The following MSRB3 variants were observed in gnomAD, a reference collection of about 807,000 sequenced individuals.
MSRB3 encodes the protein methionine sulfoxide reductase B3.
A neutral mutation model predicts 21.0 loss-of-function variants in MSRB3; 13 were observed. The ratio of observed to expected loss-of-function variants is 0.62; its 90% CI spans 0.40 to 0.98. MSRB3 has a LOEUF of 0.98. Among genes scored for constraint, MSRB3 ranks in the 50% least tolerant of loss-of-function variants. The pLI is 0.00. For missense variants in MSRB3, 199 were observed against 230.3 expected (o/e 0.86, Z 0.88); for synonymous variants, 87 against 88.6 (o/e 0.98, Z 0.10).
At chr12:65,378,573 T>C (rs751037004) in intron 5 of MSRB3, among the ~76,000 whole-genome samples, 5 of 152,190 alleles carry the variant, frequency 3.3e-5, no homozygotes, top group African/African-American at 1.2e-4. Flanking sequence ...TACAGGTTTG[T>C]ATATGGTTGC....
At chr12:65,372,138 A>G (rs1592574807) in intron 5 of MSRB3, among the ~76,000 whole-genome samples, 1 of 152,162 alleles carries the variant, frequency 6.6e-6, no homozygotes, top group Non-Finnish European at 1.5e-5. Context: ...GTTTTCATCT[A>G]TTTTAGAAAT....
chr12:65,430,131 T>C (rs186963288), intron 5 of MSRB3, among the ~76,000 whole-genome samples: 1 of 152,294 alleles, frequency 6.6e-6, no homozygotes, highest in Admixed American at 6.5e-5. Flanking sequence ...GTTTGAAGAA[T>C]CTAAAAGGCT....
At chr12:65,314,278 A>G (rs1874160762) in intron 2 of MSRB3, among the ~76,000 whole-genome samples, 1 of 152,148 alleles carries the variant, frequency 6.6e-6, no homozygotes, top group African/African-American at 2.4e-5. Flanking sequence ...GAATTAAAGA[A>G]AATTTCACAT....
chr12:65,312,745 A>G (rs1402062402), intron 2 of MSRB3, among the ~76,000 whole-genome samples: 1 of 152,116 alleles, frequency 6.6e-6, no homozygotes, highest in Non-Finnish European at 1.5e-5. Flanking sequence ...CTGTATAACT[A>G]GAACTCCATG....
chr12:65,439,453 TA>T (rs1345450969), intron 5 of MSRB3, among the ~76,000 whole-genome samples: 1 of 151,568 alleles, frequency 6.6e-6, no homozygotes, highest in Non-Finnish European at 1.5e-5. Context: ...ATCTTTCAAA[TA>T]AAAAACATCT....
At chr12:65,280,668 A>T (rs1871962043) in intron 1 of MSRB3, among the ~76,000 whole-genome samples, 2 of 152,092 alleles carry the variant, frequency 1.3e-5, no homozygotes, top group African/African-American at 4.8e-5. Flanking sequence ...TATTAAGATA[A>T]GTAGCTCTTT....
chr12:65,421,840 A>G (rs1032132180), intron 5 of MSRB3, among the ~76,000 whole-genome samples: 4 of 152,232 alleles, frequency 2.6e-5, no homozygotes, highest in African/African-American at 9.6e-5. Context: ...CATAATAAGC[A>G]GTTAACAACA....
chr12:65,363,596 T>G, intron 4 of MSRB3, among the ~76,000 whole-genome samples: 1 of 152,154 alleles, frequency 6.6e-6, no homozygotes, highest in Non-Finnish European at 1.5e-5. Context: ...AAGTTTTTAT[T>G]TAAATCTTGT....
chr12:65,283,198 C>G (rs1224100268), intron 1 of MSRB3, among the ~76,000 whole-genome samples: 1 of 152,154 alleles, frequency 6.6e-6, no homozygotes, highest in African/African-American at 2.4e-5. Context: ...TAGGCTGTTC[C>G]TACTGCCTGG....
At chr12:65,365,190 A>C (rs1456667218) in intron 4 of MSRB3, among the ~76,000 whole-genome samples, 4 of 151,904 alleles carry the variant, frequency 2.6e-5, no homozygotes, top group African/African-American at 9.7e-5. Context: ...TTTATACTAC[A>C]CCTTTTTAAT....
intron 5 of MSRB3, among the ~76,000 whole-genome samples, chr12:65,401,573 T>A (rs1341004768): frequency 1.3e-5 from 2 of 152,190 alleles, no homozygotes; most frequent in Admixed American, 6.5e-5. Context: ...AATTTGCTAG[T>A]CTGTGTCTTT....
At chr12:65,451,356 T>A (rs1391510865) in intron 5 of MSRB3, among the ~76,000 whole-genome samples, 2 of 152,168 alleles carry the variant, frequency 1.3e-5, no homozygotes, top group African/African-American at 4.8e-5. Context: ...CCAGAAACAC[T>A]GAAATCTTTT....
chr12:65,408,425 G>A (rs1880535313), intron 5 of MSRB3, among the ~76,000 whole-genome samples: 1 of 152,112 alleles, frequency 6.6e-6, no homozygotes, highest in Middle Eastern at 3.2e-3. Context: ...TTGATATACT[G>A]GATAAAAGGA....
chr12:65,308,285 C>T (rs1056234841), intron 1 of MSRB3, among the ~76,000 whole-genome samples: 1 of 152,180 alleles, frequency 6.6e-6, no homozygotes, highest in Non-Finnish European at 1.5e-5. Context: ...CTTTTCTCAA[C>T]CTCTTGTAAA....
At chr12:65,368,926 C>G (rs923942441) in intron 4 of MSRB3, 72 bp from the exon 5 acceptor site, 7 of 474,070 alleles carry the variant, frequency 1.5e-5, no homozygotes, top group Admixed American at 8.7e-5. Flanking sequence ...CAACCACACC[C>G]CCCCCCCCCA....
rs1871822354 is a variant in MSRB3 at position 65,278,867 on chromosome 12, T to TACCG, written c.-52+3_-52+4insCCGA. On this transcript the variant is annotated splice_region_variant and intron_variant, in intron 1 of 6. Coordinates refer to ENST00000308259, the MANE Select transcript of MSRB3 (RefSeq NM_001031679.3). ...CGGCTCTGGGAAGTGCGCAGTCCGG[T>TACCG]AAGTTCGGGCTCCCCTCCCCTCTCC... 1 of 1,555,718 alleles carries TACCG rather than the reference T, an allele frequency of 6.4e-7. No individual in the cohort carries two copies. Among genetic ancestry groups the TACCG allele is most frequent in the African/African-American group, 1.4e-5 (1 of 73,176 alleles).
At position 65,328,792 on chromosome 12, in the gene MSRB3, AT is replaced by A. The variant is rs1189426424; in HGVS notation, c.263+193del. Reference sequence around the variant, plus strand: ...AATTACCAGTGTGACAGACTGGCTGATTTTGCACTACTTGGATCTTTAAAAT... The same window carrying A: ...AATTACCAGTGTGACAGACTGGCTGATTTGCACTACTTGGATCTTTAAAAT... On this transcript the variant is annotated intron_variant, in intron 4 of 6. Transcript: ENST00000308259. Among the ~76,000 whole-genome samples the A allele has an allele frequency of 2.6e-5, 4 of 152,188 alleles. No individual in the cohort carries two copies. The South Asian group carries it at 8.3e-4, about 32-fold the overall frequency.
rs576049128 is a variant in MSRB3, at chr12:65,367,854, G to A, written c.264-1144G>A. 6.6e-5 allele frequency among the ~76,000 whole-genome samples: 10 copies of A among 152,050 alleles called. No individual in the cohort carries two copies. The South Asian group carries it at 1.2e-3, about 19-fold the overall frequency. Reference sequence around the variant, plus strand: ...TTGGTAACCATGGATGCAATTTTACGTGTACATGTATATGTGTGTATTACA... The same window carrying A: ...TTGGTAACCATGGATGCAATTTTACATGTACATGTATATGTGTGTATTACA... On this transcript the variant is annotated intron_variant, in intron 4 of 6. Coordinates refer to ENST00000308259, the MANE Select transcript of MSRB3 (RefSeq NM_001031679.3).
intron 5 of MSRB3, among the ~76,000 whole-genome samples, chr12:65,437,135 T>G (rs538201669): frequency 3.2e-4 from 49 of 152,000 alleles, no homozygotes; most frequent in African/African-American, 1.1e-3. Flanking sequence ...AATTTTGGTA[T>G]GGACAACTTG....
Sources: allele counts gnomAD v4.1 joint callset (sites outside exome capture counted in the v4.1 genomes callset), GRCh38; gene constraint gnomAD v4.1.1; transcripts MANE v1.5; gene names NCBI Gene and HGNC (gene_info 2026-07-23, HGNC 2026-07-21).